The following PABPC4L variants were observed in gnomAD, a reference collection of about 807,000 sequenced individuals.
PABPC4L encodes the protein polyadenylate-binding protein 4-like.
For synonymous variants in PABPC4L, 169 were observed against 164.1 expected, an observed-to-expected ratio of 1.03 and a Z score of -0.23; for missense variants, 452 against 451.4, an observed-to-expected ratio of 1.00 and a Z score of -0.01.
the PABPC4L span, among the ~76,000 whole-genome samples, chr4:134,039,352 A>G: frequency 6.6e-6 from 1 of 152,084 alleles, no homozygotes; most frequent in African/African-American, 2.4e-5. Flanking sequence ...CTTGGTCCAA[A>G]GCTGAGTTAA....
the PABPC4L span, among the ~76,000 whole-genome samples, chr4:134,174,709 T>G: frequency 6.6e-6 from 1 of 152,212 alleles, no homozygotes; most frequent in African/African-American, 2.4e-5. Context: ...TTTGGCATTA[T>G]CTACGTAAGT....
At chr4:134,028,542 A>G in the PABPC4L span, among the ~76,000 whole-genome samples, 1 of 151,824 alleles carries the variant, frequency 6.6e-6, no homozygotes, top group Non-Finnish European at 1.5e-5. Context: ...GACTAGGTCA[A>G]CTTCACTGTT....
At chr4:133,954,026 G>A in the PABPC4L span, among the ~76,000 whole-genome samples, 2 of 152,202 alleles carry the variant, frequency 1.3e-5, no homozygotes, top group East Asian at 1.9e-4. Context: ...TCTCTGAGAG[G>A]GAACCTGTTA....
chr4:134,126,924 C>G, the PABPC4L span, among the ~76,000 whole-genome samples: 36 of 152,212 alleles, frequency 2.4e-4, no homozygotes, highest in Admixed American at 2.1e-3. Flanking sequence ...AAAATCTATG[C>G]TGTTGTTGGG....
chr4:134,193,808 G>A (rs1729580681), downstream of PABPC4L, among the ~76,000 whole-genome samples: 1 of 151,848 alleles, frequency 6.6e-6, no homozygotes, highest in Admixed American at 6.6e-5. Flanking sequence ...TAGAAAAAAA[G>A]GAGTTAGTTA....
At chr4:134,110,559 TTGTGTGTG>T in the PABPC4L span, among the ~76,000 whole-genome samples, 1,539 of 144,708 alleles carry the variant, frequency 0.011, 16 homozygotes, top group African/African-American at 0.021. Flanking sequence ...TCTCTCTGTC[TTGTGTGTG>T]TGTGTGTGTG....
chr4:134,096,220 T>G, the PABPC4L span, among the ~76,000 whole-genome samples: 1 of 151,976 alleles, frequency 6.6e-6, no homozygotes, highest in African/African-American at 2.4e-5. Flanking sequence ...GAAATGTCGG[T>G]TTTTTTCAAA....
At chr4:134,139,677 ATTC>A in the PABPC4L span, among the ~76,000 whole-genome samples, 1 of 145,990 alleles carries the variant, frequency 6.8e-6, no homozygotes, top group Non-Finnish European at 1.5e-5. Context: ...TTGGCTTAAC[ATTC>A]ATTCTTTTAT....
chr4:134,070,446 T>G, the PABPC4L span, among the ~76,000 whole-genome samples: 1 of 152,002 alleles, frequency 6.6e-6, no homozygotes, highest in African/African-American at 2.4e-5. Flanking sequence ...GGCCTCCTTG[T>G]GTCAGATTAA....
At chr4:134,001,037 G>T in the PABPC4L span, among the ~76,000 whole-genome samples, 2 of 151,916 alleles carry the variant, frequency 1.3e-5, no homozygotes, top group Non-Finnish European at 2.9e-5. Flanking sequence ...AACCCTGACT[G>T]ATAAAACATC....
the PABPC4L span, among the ~76,000 whole-genome samples, chr4:134,057,017 G>T: frequency 4.6e-5 from 7 of 151,958 alleles, no homozygotes; most frequent in Non-Finnish European, 1.0e-4. Flanking sequence ...TTACCTAGAG[G>T]TTTTTTGTAT....
the PABPC4L span, among the ~76,000 whole-genome samples, chr4:134,156,541 T>C: frequency 6.6e-6 from 1 of 151,824 alleles, no homozygotes; most frequent in Admixed American, 6.6e-5. Context: ...AAAAATAATA[T>C]TTCAATAGAT....
chr4:134,004,638 A>G, the PABPC4L span, among the ~76,000 whole-genome samples: 1 of 151,936 alleles, frequency 6.6e-6, no homozygotes, highest in African/African-American at 2.4e-5. Context: ...TGAAATCAGT[A>G]TGTTGAGGAG....
At chr4:134,081,343 T>C in the PABPC4L span, among the ~76,000 whole-genome samples, 2 of 152,070 alleles carry the variant, frequency 1.3e-5, no homozygotes, top group South Asian at 2.1e-4. Context: ...ATGGGGCTAG[T>C]TGAGGTTCCA....
the PABPC4L span, among the ~76,000 whole-genome samples, chr4:134,173,746 G>A: frequency 6.6e-6 from 1 of 152,104 alleles, no homozygotes; most frequent in East Asian, 1.9e-4. Context: ...ATAAGTGCTT[G>A]AGGTGATTGA....
At chr4:134,065,898 T>A in the PABPC4L span, among the ~76,000 whole-genome samples, 2 of 152,014 alleles carry the variant, frequency 1.3e-5, no homozygotes, top group Non-Finnish European at 2.9e-5. Context: ...TTTTTGTCTA[T>A]CTTGTTGAAT....
chr4:134,031,533 G>T, the PABPC4L span, among the ~76,000 whole-genome samples: 151 of 151,770 alleles, frequency 9.9e-4, 1 homozygote, highest in African/African-American at 3.5e-3. Context: ...GATTTTCTAT[G>T]GTGTTCTTCT....
chr4:134,130,321 A>T, the PABPC4L span, among the ~76,000 whole-genome samples: 1 of 152,142 alleles, frequency 6.6e-6, no homozygotes, highest in Non-Finnish European at 1.5e-5. Flanking sequence ...AGATCCAAAT[A>T]AGCTCAATTA....
the PABPC4L span, among the ~76,000 whole-genome samples, chr4:134,174,491 C>T: frequency 6.6e-6 from 1 of 152,182 alleles, no homozygotes; most frequent in Non-Finnish European, 1.5e-5. Flanking sequence ...GTGCTATGAC[C>T]GCTATAACCA....
Sources: allele counts gnomAD v4.1 joint callset (sites outside exome capture counted in the v4.1 genomes callset), GRCh38; gene constraint gnomAD v4.1.1; transcripts MANE v1.5; gene names NCBI Gene and HGNC (gene_info 2026-07-23, HGNC 2026-07-21).